FRMD3: variants seen among roughly 807,000 people sequenced by gnomAD.
FRMD3 encodes FERM domain containing 3, also known as FERM domain-containing protein 3.
In FRMD3, 33 loss-of-function variants were observed where a neutral mutation model predicts 70.2. That is an observed-to-expected ratio of 0.47 (90% confidence interval 0.36 to 0.63). The LOEUF (loss-of-function observed/expected upper bound fraction) is 0.63, where lower values mean the gene tolerates loss of function less well. Among genes scored for constraint, FRMD3 ranks in the 20% least tolerant of loss-of-function variants. FRMD3 has a pLI of 0.00. For synonymous variants in FRMD3, 279 were observed against 255.9 expected, an observed-to-expected ratio of 1.09 and a Z score of -0.86; for missense variants, 632 against 711.4, an observed-to-expected ratio of 0.89 and a Z score of 1.27.
At chr9:83,458,136 T>A (rs1256783911) in intron 1 of FRMD3, among the ~76,000 whole-genome samples, 1 of 151,770 alleles carries the variant, frequency 6.6e-6, no homozygotes, top group African/African-American at 2.4e-5. Flanking sequence ...AAGATTGAAG[T>A]GGATTTTTAA....
chr9:83,438,154 C>G (rs1347137705), intron 1 of FRMD3, among the ~76,000 whole-genome samples: 3 of 151,986 alleles, frequency 2.0e-5, no homozygotes, highest in Non-Finnish European at 4.4e-5. Flanking sequence ...ATTGGATTTT[C>G]CCCAAAAAAA....
At chr9:83,309,471 G>T in intron 10 of FRMD3, 65 bp downstream of exon 10, 1 of 938,092 alleles carries the variant, frequency 1.1e-6, no homozygotes, top group Non-Finnish European at 1.6e-6. Flanking sequence ...GCAGCCATTT[G>T]CAAAACATAA....
intron 1 of FRMD3, among the ~76,000 whole-genome samples, chr9:83,462,462 G>T (rs1367603217): frequency 1.3e-5 from 2 of 151,928 alleles, no homozygotes; most frequent in African/African-American, 4.8e-5. Context: ...ATACCTTTAG[G>T]GTCCCATGCT....
intron 6 of FRMD3, chr9:83,332,066 G>T: frequency 3.3e-6 from 2 of 610,952 alleles, no homozygotes; most frequent in Non-Finnish European, 5.8e-6. Flanking sequence ...CTGGCCTCTG[G>T]TGGGCACAGA....
At position 83,404,068 on chromosome 9, in the gene FRMD3, GCACACACACA is replaced by G. The variant is rs10552914; in HGVS notation, c.148-14370_148-14361del. On this transcript the variant is annotated intron_variant, in intron 1 of 13. Transcript: ENST00000304195. Reference sequence around the variant, plus strand: ...GCAGTGGGAATTCCTGCATACACACGCACACACACACACACACACACACAAGCAGGCACGC... The same window carrying G: ...GCAGTGGGAATTCCTGCATACACACGCACACACACACACAAGCAGGCACGC... 2.0e-5 allele frequency among the ~76,000 whole-genome samples: 3 copies of G among 148,924 alleles called. No homozygotes were observed. The South Asian group carries it at 6.4e-4, about 32-fold the overall frequency.
chr9:83,581,689 C>G, the FRMD3 span, among the ~76,000 whole-genome samples: 1 of 152,084 alleles, frequency 6.6e-6, no homozygotes, highest in Non-Finnish European at 1.5e-5. Context: ...AAAATAGCCA[C>G]ACACAAAAAG....
chr9:83,477,329 T>C (rs1424859274), intron 1 of FRMD3, among the ~76,000 whole-genome samples: 1 of 152,154 alleles, frequency 6.6e-6, no homozygotes, highest in Admixed American at 6.5e-5. Context: ...CATTCAGAAT[T>C]ATTTGAGAAC....
At chr9:83,506,308 GTGT>G (rs1220445417) in intron 1 of FRMD3, among the ~76,000 whole-genome samples, 1 of 152,164 alleles carries the variant, frequency 6.6e-6, no homozygotes, top group African/African-American at 2.4e-5. Flanking sequence ...ATACAGTCAT[GTGT>G]TATTTATCAA....
intron 6 of FRMD3, among the ~76,000 whole-genome samples, chr9:83,333,957 G>A (rs1169895486): frequency 6.6e-6 from 1 of 152,106 alleles, no homozygotes; most frequent in East Asian, 1.9e-4. Flanking sequence ...TTAGCACAAT[G>A]TTTTGGCATC....
intron 1 of FRMD3, among the ~76,000 whole-genome samples, chr9:83,449,950 G>C (rs1198129122): frequency 1.3e-5 from 2 of 152,168 alleles, no homozygotes; most frequent in Non-Finnish European, 2.9e-5. Context: ...GCACTTAACT[G>C]GGTGCATTTC....
At chr9:83,468,912 C>T (rs1443312090) in intron 1 of FRMD3, among the ~76,000 whole-genome samples, 2 of 152,150 alleles carry the variant, frequency 1.3e-5, no homozygotes, top group African/African-American at 4.8e-5. Context: ...ATATAATGGC[C>T]GTGGCTTTGA....
At chr9:83,384,864 C>A (rs1825466758) in intron 2 of FRMD3, among the ~76,000 whole-genome samples, 1 of 152,110 alleles carries the variant, frequency 6.6e-6, no homozygotes, top group Non-Finnish European at 1.5e-5. Context: ...AAAGTTAAAA[C>A]CAAAAGCATT....
the FRMD3 span, among the ~76,000 whole-genome samples, chr9:83,567,710 GC>G: frequency 6.6e-6 from 1 of 152,134 alleles, no homozygotes; most frequent in Non-Finnish European, 1.5e-5. Context: ...CAGCCTCTTT[GC>G]TAAAACATAA....
intron 1 of FRMD3, among the ~76,000 whole-genome samples, chr9:83,524,387 T>C (rs1336605614): frequency 1.3e-5 from 2 of 152,218 alleles, no homozygotes; most frequent in African/African-American, 4.8e-5. Context: ...CCATGGTAAG[T>C]TGATTGCAAT....
intron 3 of FRMD3, among the ~76,000 whole-genome samples, chr9:83,350,460 CAA>C (rs35261102): frequency 1.5e-5 from 2 of 132,870 alleles, no homozygotes; most frequent in Non-Finnish European, 1.6e-5. Flanking sequence ...ACTAAAAATA[CAA>C]AAAAAAAAAA....
the FRMD3 span, among the ~76,000 whole-genome samples, chr9:83,553,324 T>G: frequency 6.6e-6 from 1 of 152,222 alleles, no homozygotes; most frequent in Non-Finnish European, 1.5e-5. Context: ...GCTTGTAGGG[T>G]TTCAGCTGAA....
chr9:83,250,081 C>G (rs895993058), intron 13 of FRMD3, among the ~76,000 whole-genome samples: 8 of 152,198 alleles, frequency 5.3e-5, no homozygotes, highest in African/African-American at 1.9e-4. Context: ...CACCTTCAAA[C>G]TGAGATACCC....
Position 83,255,696 on chromosome 9 carries a change from T to A in FRMD3, c.1196-7180A>T, listed in dbSNP as rs142123380. On this transcript the variant is annotated intron_variant, in intron 13 of 13. Coordinates refer to ENST00000304195, the MANE Select transcript of FRMD3 (RefSeq NM_174938.6). The stretch of plus-strand genomic sequence containing the variant: ...GCAAAGTCTCAGGATATAAAATCAA[T>A]GTGCAAAAATAGCTAGCATTCCTAT... Among the ~76,000 whole-genome samples, 1,319 of 152,256 alleles carry A rather than the reference T, an allele frequency of 8.7e-3. 18 individuals are homozygous for A. The highest frequency in any genetic ancestry group is 0.029 in the African/African-American group (1,202 of 41,544).
intron 1 of FRMD3, among the ~76,000 whole-genome samples, chr9:83,446,975 C>T (rs538022447): frequency 4.0e-4 from 60 of 151,496 alleles, no homozygotes; most frequent in Non-Finnish European, 6.0e-4. Flanking sequence ...TCCTCACAGA[C>T]AGCAGATCAG....
Sources: allele counts gnomAD v4.1 joint callset (sites outside exome capture counted in the v4.1 genomes callset), GRCh38; gene constraint gnomAD v4.1.1; transcripts MANE v1.5; gene names NCBI Gene and HGNC (gene_info 2026-07-23, HGNC 2026-07-21).